The following SCML4 variants were observed in gnomAD, a reference collection of about 807,000 sequenced individuals.
SCML4 encodes the protein sex comb on midleg-like protein 4.
SCML4 carries 34 observed loss-of-function variants against 41.1 expected under a neutral mutation model. The observed-to-expected ratio is 0.83, with a 90% CI of 0.63 to 1.10. The LOEUF (loss-of-function observed/expected upper bound fraction) is 1.10. Ranked by LOEUF, SCML4 falls within the 50% of genes least tolerant of loss-of-function variation. The probability of loss-of-function intolerance (pLI) is 0.00; values close to 1 mark genes in which losing one functional copy is unlikely to be tolerated. For missense variants in SCML4, 522 were observed against 534.1 expected (o/e 0.98, Z 0.22); for synonymous variants, 214 against 220.9 (o/e 0.97, Z 0.28).
At chr6:107,798,553 T>C (rs542539735) in intron 1 of SCML4, among the ~76,000 whole-genome samples, 1 of 152,140 alleles carries the variant, frequency 6.6e-6, no homozygotes, top group African/African-American at 2.4e-5. Flanking sequence ...CAAAGAACTT[T>C]TGATTTGCCA....
chr6:107,792,279 A>G (rs752847217), intron 1 of SCML4, among the ~76,000 whole-genome samples: 1 of 152,198 alleles, frequency 6.6e-6, no homozygotes, highest in African/African-American at 2.4e-5. Flanking sequence ...TTTTAGTTCT[A>G]TTCTACCCAA....
intron 1 of SCML4, among the ~76,000 whole-genome samples, chr6:107,819,690 A>G (rs952898838): frequency 6.1e-5 from 9 of 148,282 alleles, no homozygotes; most frequent in African/African-American, 2.2e-4. Flanking sequence ...AAAAAAGCAC[A>G]TCTGCCTCCC....
At position 107,720,765 on chromosome 6, in the gene SCML4, C is replaced by T; in HGVS notation, c.911G>A (p.Gly304Glu). The change falls in exon 6 of 8, where the codon GGG becomes GAG. Residue 304 changes from glycine (G) to glutamate (E), a missense_variant. Gly to Glu is a moderately conservative substitution (Grantham distance 98). Transcript: ENST00000369020. ...PMSSGGPSAP[G>E]LRPPASSPKR... ...GGGGCTGGAGGCTGGAGGCCTCAGC[C>T]CAGGTGCCGAGGGGCCACCAGAAGA... is the stretch of plus-strand genomic sequence containing the variant. 1 of 1,611,454 alleles carries T rather than the reference C, an allele frequency of 6.2e-7. No individual in the cohort carries two copies. Among genetic ancestry groups the T allele is most frequent in the Non-Finnish European group, 8.5e-7 (1 of 1,178,582 alleles).
intron 1 of SCML4, among the ~76,000 whole-genome samples, chr6:107,803,238 C>CT (rs1583628521): frequency 7.1e-6 from 1 of 141,626 alleles, no homozygotes; most frequent in African/African-American, 2.6e-5. Context: ...TCTGCCCGGC[C>CT]GCCCTGTCTG....
chr6:107,727,859 C>T (rs1162099100), intron 5 of SCML4, among the ~76,000 whole-genome samples: 1 of 152,226 alleles, frequency 6.6e-6, no homozygotes, highest in Non-Finnish European at 1.5e-5. Flanking sequence ...TTGGAAAGTT[C>T]TCATAGTCTG....
chr6:107,738,639 A>C (rs1409132753), intron 5 of SCML4, among the ~76,000 whole-genome samples: 1 of 151,924 alleles, frequency 6.6e-6, no homozygotes, highest in East Asian at 1.9e-4. Context: ...AAGGATCGAG[A>C]GTTTATATTT....
intron 5 of SCML4, among the ~76,000 whole-genome samples, chr6:107,723,486 G>GA (rs919697752): frequency 1.9e-4 from 29 of 152,212 alleles, no homozygotes; most frequent in African/African-American, 6.7e-4. Flanking sequence ...ACCATAAAGT[G>GA]AAAAAAATCA....
rs760171261 is a variant in SCML4 at position 107,745,080 on chromosome 6, T to G, written c.551A>C (p.Tyr184Ser). The change falls in exon 5 of 8, where the codon TAT becomes TCT. Residue 184 changes from tyrosine (Y) to serine (S), a missense_variant. Transcript: ENST00000369020. The part of the protein sequence containing the change: ...RSLPVVNSIG[Y>S]VLRFLAKLCR... Reference sequence around the variant, plus strand: ...CAGCTTGGCGAGGAAGCGGAGGACATAGCCGATGCTGTTCACCACAGGCAG... The same window carrying G: ...CAGCTTGGCGAGGAAGCGGAGGACAGAGCCGATGCTGTTCACCACAGGCAG... The G allele has an allele frequency of 6.2e-7, 1 of 1,612,920 alleles. No homozygotes were observed. Among genetic ancestry groups the G allele is most frequent in the Non-Finnish European group, 8.5e-7 (1 of 1,179,430 alleles).
chr6:107,825,948 A>AAG (rs1785237459), upstream of SCML4, among the ~76,000 whole-genome samples: 1 of 149,696 alleles, frequency 6.7e-6, no homozygotes, highest in East Asian at 2.0e-4. Flanking sequence ...AAAAAAAAAA[A>AAG]AAAAAAAAGA....
intron 5 of SCML4, among the ~76,000 whole-genome samples, chr6:107,726,558 A>AAAAAAAAATAT (rs1776003779): frequency 6.9e-6 from 1 of 145,176 alleles, no homozygotes. Context: ...AAAAAAAAGA[A>AAAAAAAAATAT]TTATTCTAGC....
chr6:107,800,042 G>A (rs1294580068), intron 1 of SCML4, among the ~76,000 whole-genome samples: 1 of 150,904 alleles, frequency 6.6e-6, no homozygotes, highest in East Asian at 1.9e-4. Flanking sequence ...GAGATGGGGG[G>A]GTCTGAATTT....
intron 1 of SCML4, among the ~76,000 whole-genome samples, chr6:107,806,464 C>T (rs1685077744): frequency 6.6e-6 from 1 of 152,184 alleles, no homozygotes; most frequent in Admixed American, 6.5e-5. Context: ...AGTAACGCCA[C>T]CAACCGGTTT....
chr6:107,736,798 T>C (rs1345549511), intron 5 of SCML4, among the ~76,000 whole-genome samples: 1 of 152,142 alleles, frequency 6.6e-6, no homozygotes, highest in African/African-American at 2.4e-5. Flanking sequence ...ACACTGTGAG[T>C]GACTATTACT....
chr6:107,838,485 C>T, the SCML4 span, among the ~76,000 whole-genome samples: 4 of 152,266 alleles, frequency 2.6e-5, no homozygotes, highest in South Asian at 2.1e-4. Flanking sequence ...CCATTGTCCC[C>T]GAAGGCTTGA....
At chr6:107,709,143 C>G (rs1773985123) in intron 6 of SCML4, among the ~76,000 whole-genome samples, 1 of 152,164 alleles carries the variant, frequency 6.6e-6, no homozygotes, top group South Asian at 2.1e-4. Flanking sequence ...CTGCCACTGC[C>G]TCACATTCTC....
chr6:107,814,047 C>T (rs114384057), intron 1 of SCML4, among the ~76,000 whole-genome samples: 2,720 of 152,330 alleles, frequency 0.018, 84 homozygotes, highest in African/African-American at 0.063. Context: ...CCCAGTAGAG[C>T]TGCAAGGCTC....
At chr6:107,709,435 T>C (rs1341390605) in intron 6 of SCML4, among the ~76,000 whole-genome samples, 1 of 152,214 alleles carries the variant, frequency 6.6e-6, no homozygotes, top group African/African-American at 2.4e-5. Flanking sequence ...GGCTGACCTA[T>C]GTCAGGTGCT....
chr6:107,845,390 C>T, the SCML4 span, among the ~76,000 whole-genome samples: 9 of 152,306 alleles, frequency 5.9e-5, no homozygotes, highest in Admixed American at 2.6e-4. Context: ...AGAGACGCTC[C>T]GGGGCCCGGC....
chr6:107,756,042 G>A (rs943778089), intron 2 of SCML4, among the ~76,000 whole-genome samples: 2 of 152,128 alleles, frequency 1.3e-5, no homozygotes, highest in African/African-American at 4.8e-5. Context: ...TAAATAGGTG[G>A]TTGACTCAGT....
Sources: allele counts gnomAD v4.1 joint callset (sites outside exome capture counted in the v4.1 genomes callset), GRCh38; gene constraint gnomAD v4.1.1; transcripts MANE v1.5; gene names NCBI Gene and HGNC (gene_info 2026-07-23, HGNC 2026-07-21).